Variants in PARD3 observed in about 807,000 individuals in gnomAD.
PARD3 encodes partitioning defective 3 homolog.
A neutral mutation model predicts 155.4 loss-of-function variants in PARD3; 75 were observed. That is an observed-to-expected ratio of 0.48 (90% CI 0.40 to 0.58). PARD3 has a LOEUF of 0.58. PARD3 is among the 20% of genes least tolerant of loss of function. PARD3 has a pLI of 0.00. For synonymous variants in PARD3, 576 were observed against 610.5 expected (o/e 0.94, Z 0.83); for missense variants, 1,642 against 1,721.7 (o/e 0.95, Z 0.82).
chr10:34,196,394 T>C (rs1190748384), intron 22 of PARD3, among the ~76,000 whole-genome samples: 2 of 152,154 alleles, frequency 1.3e-5, no homozygotes, highest in African/African-American at 4.8e-5. Flanking sequence ...GGAATCTCCT[T>C]ATATTGCACT....
At chr10:34,183,966 G>A (rs904509158) in intron 22 of PARD3, among the ~76,000 whole-genome samples, 2 of 152,154 alleles carry the variant, frequency 1.3e-5, no homozygotes, top group Non-Finnish European at 2.9e-5. Context: ...ATAGGTGTGC[G>A]CCATCATGGC....
At chr10:34,633,587 C>T (rs541667511) in intron 2 of PARD3, among the ~76,000 whole-genome samples, 154 of 152,302 alleles carry the variant, frequency 1.0e-3, no homozygotes, top group African/African-American at 3.3e-3. Flanking sequence ...ATCCGTCCAA[C>T]GTAGGCTGGT....
chr10:34,574,447 G>A (rs974124903), intron 2 of PARD3, among the ~76,000 whole-genome samples: 9 of 152,156 alleles, frequency 5.9e-5, no homozygotes, highest in South Asian at 2.1e-4. Context: ...TCACTCCTCA[G>A]TGCTCCTGCT....
intron 3 of PARD3, among the ~76,000 whole-genome samples, chr10:34,484,836 C>A (rs1368476747): frequency 3.9e-5 from 6 of 152,210 alleles, no homozygotes; most frequent in Non-Finnish European, 8.8e-5. Flanking sequence ...CATTCTCCTG[C>A]AGGCCACCTC....
intron 1 of PARD3, among the ~76,000 whole-genome samples, chr10:34,764,140 A>G (rs752944063): frequency 6.6e-6 from 1 of 152,234 alleles, no homozygotes; most frequent in Non-Finnish European, 1.5e-5. Flanking sequence ...CACTGGTCAT[A>G]TATTATTGCA....
intron 20 of PARD3, among the ~76,000 whole-genome samples, chr10:34,292,556 T>A (rs1258952525): frequency 1.3e-5 from 2 of 152,200 alleles, no homozygotes; most frequent in African/African-American, 4.8e-5. Context: ...GGATGCTGTT[T>A]TAAGTTGGTG....
intron 22 of PARD3, among the ~76,000 whole-genome samples, chr10:34,261,825 GAAAC>G (rs1159390036): frequency 0.012 from 1,622 of 138,876 alleles, 55 homozygotes; most frequent in Non-Finnish European, 0.016. Flanking sequence ...AAGAAAGAAA[GAAAC>G]AAACAAACAA....
At chr10:34,473,568 C>T (rs763751463) in intron 3 of PARD3, among the ~76,000 whole-genome samples, 4 of 152,024 alleles carry the variant, frequency 2.6e-5, no homozygotes, top group Non-Finnish European at 4.4e-5. Flanking sequence ...TAGCACTTTC[C>T]TGTAGTCCTA....
intron 22 of PARD3, among the ~76,000 whole-genome samples, chr10:34,223,344 C>T (rs1297580999): frequency 2.0e-5 from 3 of 152,024 alleles, no homozygotes; most frequent in Admixed American, 6.6e-5. Flanking sequence ...GACATGATGG[C>T]CAAAAGCAAT....
intron 22 of PARD3, among the ~76,000 whole-genome samples, chr10:34,150,080 G>A (rs1948706080): frequency 6.6e-6 from 1 of 152,174 alleles, no homozygotes; most frequent in South Asian, 2.1e-4. Flanking sequence ...ATAAAGCACA[G>A]AGTTTCTTGT....
At chr10:34,208,712 A>G (rs1162505782) in intron 22 of PARD3, among the ~76,000 whole-genome samples, 1 of 152,188 alleles carries the variant, frequency 6.6e-6, no homozygotes, top group African/African-American at 2.4e-5. Flanking sequence ...TGTACCACCC[A>G]GCTATCAGTC....
At chr10:34,197,601 C>A (rs1229463350) in intron 22 of PARD3, among the ~76,000 whole-genome samples, 1 of 152,180 alleles carries the variant, frequency 6.6e-6, no homozygotes, top group South Asian at 2.1e-4. Flanking sequence ...GTGTATGCTG[C>A]GTGAGCTAAT....
At chr10:34,181,400 T>A (rs1435345402) in intron 22 of PARD3, among the ~76,000 whole-genome samples, 1 of 152,180 alleles carries the variant, frequency 6.6e-6, no homozygotes, top group Admixed American at 6.5e-5. Flanking sequence ...AGTTTGCAAG[T>A]TGAAAAGCAT....
At chr10:34,509,744 C>T (rs1425725523) in intron 3 of PARD3, among the ~76,000 whole-genome samples, 1 of 152,052 alleles carries the variant, frequency 6.6e-6, no homozygotes, top group Non-Finnish European at 1.5e-5. Flanking sequence ...AGCTCTTCTG[C>T]TTTGCAAAAT....
At chr10:34,794,014 A>T (rs929508246) in intron 1 of PARD3, among the ~76,000 whole-genome samples, 5 of 152,190 alleles carry the variant, frequency 3.3e-5, no homozygotes, top group Admixed American at 6.5e-5. Flanking sequence ...AGCTCTAAAC[A>T]GCAAAGGTAA....
Position 34,605,537 on chromosome 10 carries a change from CTATATATATA to C in PARD3, c.223-88388_223-88379del, listed in dbSNP as rs1226768521. ...TATATATATCTCCTATATATATCTC[CTATATATATA>C]TATATATATCTCCTATATATATATA... On this transcript the variant is annotated intron_variant, in intron 2 of 24. Transcript: ENST00000374788. 1.4e-3 allele frequency among the ~76,000 whole-genome samples: 36 copies of C among 25,706 alleles called. 4 individuals carry two copies. Among genetic ancestry groups the C allele is most frequent in the African/African-American group, 6.3e-3 (13 of 2,058 alleles). 16.9% of individuals were successfully genotyped at this position (25,706 alleles called of 152,430 possible).
chr10:34,683,168 A>G (rs947173966), intron 2 of PARD3, among the ~76,000 whole-genome samples: 7 of 152,212 alleles, frequency 4.6e-5, no homozygotes, highest in Admixed American at 1.3e-4. Context: ...ATTCTCATTC[A>G]TAAGTGGAAG....
rs16935462 is a variant in PARD3, at chr10:34,503,263, C to T, written c.403+13716G>A. The stretch of plus-strand genomic sequence containing the variant: ...CAAGCTGTTTTAAATAACAAATTAA[C>T]GAATGAGTCGGCCATGGCTCAAAAT... On this transcript the variant is annotated intron_variant, in intron 3 of 24. Coordinates refer to ENST00000374788, the MANE Select transcript of PARD3 (RefSeq NM_001184785.2). 6.0e-3 allele frequency among the ~76,000 whole-genome samples: 909 copies of T among 152,204 alleles called. 10 individuals are homozygous for T. Among genetic ancestry groups the T allele is most frequent in the African/African-American group, 0.021 (868 of 41,532 alleles).
At chr10:34,677,900 T>C (rs2093738779) in intron 2 of PARD3, among the ~76,000 whole-genome samples, 1 of 152,148 alleles carries the variant, frequency 6.6e-6, no homozygotes, top group South Asian at 2.1e-4. Context: ...GTTATTGCTG[T>C]TTGGTAATTA....
Sources: gnomAD v4.1 joint callset for allele counts (sites outside exome capture counted in the v4.1 genomes callset) on GRCh38, gnomAD v4.1.1 for gene constraint, MANE v1.5 for transcripts, NCBI Gene and HGNC (gene_info 2026-07-23, HGNC 2026-07-21) for gene names.